Variants in UNC45B observed in about 807,000 individuals in gnomAD.
UNC45B encodes the protein protein unc-45 homolog B.
In UNC45B, 78 loss-of-function variants were observed where a neutral mutation model predicts 98.7. That is an observed-to-expected ratio of 0.79 (90% CI 0.66 to 0.95). The LOEUF (loss-of-function observed/expected upper bound fraction) is 0.95, where lower values mean the gene tolerates loss of function less well. UNC45B is among the 40% of genes least tolerant of loss of function. The pLI is 0.00. For missense variants in UNC45B, 1,225 were observed against 1,184.9 expected, an observed-to-expected ratio of 1.03 and a Z score of -0.50; for synonymous variants, 462 against 480.4, an observed-to-expected ratio of 0.96 and a Z score of 0.50.
At chr17:35,153,116 C>T (rs2092033017) in intron 5 of UNC45B, 134 bp downstream of exon 5, 2 of 660,366 alleles carry the variant, frequency 3.0e-6, no homozygotes, top group East Asian at 2.6e-5. Flanking sequence ...AGGTTAAGCA[C>T]ATTGGAACAC....
At chr17:35,180,748 G>A in intron 18 of UNC45B, 72 bp downstream of exon 18, 1 of 1,127,774 alleles carries the variant, frequency 8.9e-7, no homozygotes, top group Non-Finnish European at 1.3e-6. Flanking sequence ...TCAGGGCCTG[G>A]GGTGAGATCG....
intron 4 of UNC45B, 26 bp from the exon 5 acceptor site, chr17:35,152,867 T>TTCCCCACTCCC: frequency 6.2e-7 from 1 of 1,601,988 alleles, no homozygotes; most frequent in Non-Finnish European, 8.6e-7. Context: ...ACCTGCCTCC[T>TTCCCCACTCCC]TCCCCACTCC....
chr17:35,187,057 T>A lies in UNC45B; in HGVS notation c.*498T>A, dbSNP rs1207886202. Reference sequence around the variant, plus strand: ...TGTGTGTTTCACCTGCAGTGCTCTGTCCCAGTCCCATGCCCATTCCCATCA... The same window carrying A: ...TGTGTGTTTCACCTGCAGTGCTCTGACCCAGTCCCATGCCCATTCCCATCA... On this transcript the variant is annotated 3_prime_UTR_variant, in exon 20 of 20. Transcript: ENST00000394570. 6.3e-6 allele frequency: 1 copy of A among 158,040 alleles called. No individual in the cohort carries two copies. The highest frequency in any genetic ancestry group is 1.4e-5 in the Non-Finnish European group (1 of 71,028). 9.8% of individuals were successfully genotyped at this position (158,040 alleles called of 1,614,324 possible). A position where few individuals can be genotyped will look rare whatever the true frequency, so the allele number is the denominator to read the frequency against.
At chr17:35,159,252 A>G (rs564108855) in intron 7 of UNC45B, 123 bp from the exon 8 acceptor site, 2 of 943,918 alleles carry the variant, frequency 2.1e-6, no homozygotes, top group South Asian at 3.3e-5. Context: ...TCCCCTGGGA[A>G]TTCACATATT....
At position 35,177,101 on chromosome 17, in the gene UNC45B, A is replaced by G; in HGVS notation, c.2110A>G (p.Asn704Asp). 6.2e-7 allele frequency: 1 copy of G among 1,614,192 alleles called. No homozygotes were observed. Among genetic ancestry groups the G allele is most frequent in the Non-Finnish European group, 8.5e-7 (1 of 1,180,032 alleles). ...TCTAGCAAAGATCGCTGCTGTCTCC[A>G]ATCCGGACATTGCTTTTCCTGGGGA... is the stretch of plus-strand genomic sequence containing the variant. ...HALAKIAAVSNPDIAFPGERV... is the reference protein window; with the variant it reads ...HALAKIAAVSDPDIAFPGERV... Residue 704 changes from asparagine to aspartate, a missense_variant, in exon 16 of 20, where the codon AAT (asparagine) becomes GAT (aspartate). Transcript: ENST00000394570.
chr17:35,179,514 A>G (rs949928303), intron 17 of UNC45B, among the ~76,000 whole-genome samples: 1 of 152,212 alleles, frequency 6.6e-6, no homozygotes, highest in African/African-American at 2.4e-5. Flanking sequence ...ATGTCCATCA[A>G]TGATAGATTG....
intron 7 of UNC45B, among the ~76,000 whole-genome samples, chr17:35,157,486 G>A (rs1245175069): frequency 6.6e-6 from 1 of 152,168 alleles, no homozygotes; most frequent in Non-Finnish European, 1.5e-5. Flanking sequence ...ACAGGTGTGA[G>A]CCACCATACC....
In UNC45B at chr17:35,168,300, C is replaced by T; in HGVS notation, c.1391C>T (p.Ser464Leu). The change falls in exon 10 of 20, where the codon TCA becomes TTA. Residue 464 changes from serine (S) to leucine (L), a missense_variant. By Grantham distance (145) the Ser-to-Leu change is moderately radical. Transcript: ENST00000394570. The stretch of plus-strand genomic sequence containing the variant: ...ACCTTCATCATCACCAATGGAGTGT[C>T]ACTGCTCAAACAGATCTACAAGACC... Reference protein sequence around the residue: ...RATFIITNGVSLLKQIYKTTK... With the variant: ...RATFIITNGVLLLKQIYKTTK... The T allele has an allele frequency of 6.8e-7, 1 of 1,474,436 alleles. No individual in the cohort carries two copies. Among genetic ancestry groups the T allele is most frequent in the Non-Finnish European group, 9.0e-7 (1 of 1,106,512 alleles). The allele number at this position is 1,474,436 out of a possible 1,614,324, so 91.3% of individuals were successfully genotyped here. A position where few individuals can be genotyped will look rare whatever the true frequency, so the allele number is the denominator to read the frequency against.
chr17:35,183,339 G>A, intron 18 of UNC45B, 88 bp from the exon 19 acceptor site: 2 of 1,372,470 alleles, frequency 1.5e-6, no homozygotes, highest in Non-Finnish European at 1.9e-6. Flanking sequence ...AGAGATCTTG[G>A]GTCAGAGAAC....
intron 8 of UNC45B, among the ~76,000 whole-genome samples, chr17:35,162,074 TTTG>T (rs940186608): frequency 6.6e-6 from 1 of 152,294 alleles, no homozygotes; most frequent in East Asian, 1.9e-4. Context: ...AGTTTCTGTT[TTTG>T]TTGTTGTTGT....
rs1471111075 is a variant in UNC45B, at chr17:35,168,072, A to AC, written c.1168dup (p.Gln390ProfsTer22). 1 of 1,532,026 alleles carries AC rather than the reference A, an allele frequency of 6.5e-7. No individual in the cohort carries two copies. Among genetic ancestry groups the AC allele is most frequent in the Non-Finnish European group, 8.8e-7 (1 of 1,137,208 alleles). 94.9% of individuals were successfully genotyped at this position (1,532,026 alleles called of 1,614,324 possible). On this transcript the variant is annotated frameshift_variant, in exon 10 of 20. Transcript: ENST00000394570. LOFTEE classifies it high-confidence loss of function. ...GTCCTTTGTTTTAGGGGCAAGTTTG[A>AC]CCCCCAGGACATGGACAAGAACTTG...
At chr17:35,153,660 A>C (rs1365472907) in intron 5 of UNC45B, among the ~76,000 whole-genome samples, 1 of 152,038 alleles carries the variant, frequency 6.6e-6, no homozygotes, top group African/African-American at 2.4e-5. Context: ...GAACATAATA[A>C]GTTGTTATAG....
chr17:35,186,528 T>C lies in UNC45B; in HGVS notation c.2759T>C (p.Met920Thr). The C allele has an allele frequency of 1.2e-6, 2 of 1,614,184 alleles. No homozygotes were observed. The highest frequency in any genetic ancestry group is 1.7e-6 in the Non-Finnish European group (2 of 1,180,026). ...QTARECLIKC[M>T]DYGFIKPVS is the part of the protein sequence containing the mutation. ...GCCCGAGAATGTCTCATCAAGTGCA[T>C]GGATTATGGTTTCATTAAACCAGTG... Residue 920 changes from methionine (M) to threonine (T), a missense_variant, in exon 20 of 20, where the codon ATG (methionine) becomes ACG (threonine). By Grantham distance (81) the Met-to-Thr change is moderately conservative. Transcript: ENST00000394570.
intron 4 of UNC45B, among the ~76,000 whole-genome samples, chr17:35,151,444 C>A (rs961494042): frequency 1.3e-5 from 2 of 152,200 alleles, no homozygotes; most frequent in East Asian, 3.9e-4. Flanking sequence ...CCCACCTCAG[C>A]CTCCCAAAGT....
chr17:35,158,056 C>T (rs1458859308), intron 7 of UNC45B, among the ~76,000 whole-genome samples: 1 of 152,036 alleles, frequency 6.6e-6, no homozygotes, highest in Non-Finnish European at 1.5e-5. Context: ...TTAAATTTTT[C>T]ATAGGGACAG....
intron 8 of UNC45B, among the ~76,000 whole-genome samples, chr17:35,163,182 G>A (rs546584058): frequency 1.4e-4 from 21 of 152,372 alleles, no homozygotes; most frequent in African/African-American, 3.1e-4. Flanking sequence ...CTCTTGGCAC[G>A]TAGTAAGTGC....
rs566356484 is a variant in UNC45B, at chr17:35,159,325, A to G, written c.809-50A>G. The G allele has an allele frequency of 5.9e-6, 9 of 1,533,212 alleles. No individual in the cohort carries two copies. The Admixed American group carries it at 1.6e-4, about 28-fold the overall frequency. 95.0% of individuals were successfully genotyped at this position (1,533,212 alleles called of 1,614,324 possible). A position where few individuals can be genotyped will look rare whatever the true frequency, so the allele number is the denominator to read the frequency against. Reference sequence around the variant, plus strand: ...GCTGCTGCTCTTCTTGGTCATATATATGTGAGATTTCCTACCCCTCTCTAC... The same window carrying G: ...GCTGCTGCTCTTCTTGGTCATATATGTGTGAGATTTCCTACCCCTCTCTAC... On this transcript the variant is annotated intron_variant, in intron 7 of 19. Transcript: ENST00000394570.
rs747304275 is a variant in UNC45B, at chr17:35,168,269, C to T, written c.1360C>T (p.Arg454Cys). Residue 454 changes from arginine to cysteine, a missense_variant, in exon 10 of 20, where the codon CGC becomes TGC. Arg to Cys is a radical substitution (Grantham distance 180). Transcript: ENST00000394570. ...CATCCATGCCTCCACGAAGCTCAGC[C>T]GCGCCACCTTCATCATCACCAATGG... The part of the protein sequence containing the change: ...ALIHASTKLS[R>C]ATFIITNGVS... The T allele has an allele frequency of 7.1e-6, 11 of 1,541,716 alleles. No homozygotes were observed. Among genetic ancestry groups the T allele is most frequent in the South Asian group, 5.0e-5 (4 of 79,974 alleles).
At position 35,168,054 on chromosome 17, in the gene UNC45B, GT is replaced by G; in HGVS notation, c.1152-3del. ...GTTCTCTTGACCACCCTTGTCCTTT[GT>G]TTTAGGGGCAAGTTTGACCCCCAGG... On this transcript the variant is annotated splice_polypyrimidine_tract_variant and splice_region_variant and intron_variant, in intron 9 of 19. Transcript: ENST00000394570. The G allele has an allele frequency of 6.7e-7, 1 of 1,494,862 alleles. No individual in the cohort carries two copies. Among genetic ancestry groups the G allele is most frequent in the Non-Finnish European group, 8.9e-7 (1 of 1,117,842 alleles). 92.6% of individuals were successfully genotyped at this position (1,494,862 alleles called of 1,614,324 possible). A position where few individuals can be genotyped will look rare whatever the true frequency, so the allele number is the denominator to read the frequency against.
Sources: gnomAD v4.1 joint callset for allele counts (sites outside exome capture counted in the v4.1 genomes callset) on GRCh38, gnomAD v4.1.1 for gene constraint, MANE v1.5 for transcripts, NCBI Gene and HGNC (gene_info 2026-07-23, HGNC 2026-07-21) for gene names.